The following TRANK1 variants were observed in gnomAD, a reference collection of about 807,000 sequenced individuals.
The protein encoded by TRANK1 is tetratricopeptide repeat and ankyrin repeat containing 1, also known as TPR and ankyrin repeat-containing protein 1.
TRANK1 carries 198 observed loss-of-function variants against 266.0 expected under a neutral mutation model. That is an observed-to-expected ratio of 0.74 (90% CI 0.66 to 0.84). The LOEUF (loss-of-function observed/expected upper bound fraction) is 0.84. Ranked by LOEUF, TRANK1 falls within the 40% of genes least tolerant of loss-of-function variation. TRANK1 has a pLI of 0.00. For missense variants in TRANK1, 3,326 were observed against 3,634.6 expected (o/e 0.92, Z 2.18); for synonymous variants, 1,396 against 1,384.1 (o/e 1.01, Z -0.19).
intron 8 of TRANK1, among the ~76,000 whole-genome samples, chr3:36,875,049 C>A (rs772385673): frequency 3.3e-5 from 5 of 152,018 alleles, no homozygotes; most frequent in African/African-American, 1.2e-4. Context: ...TCCCACCCAT[C>A]GAGAATCTCA....
In TRANK1 at chr3:36,858,591, C is replaced by T. The variant is rs1056053480; in HGVS notation, c.1672+127G>A. On this transcript the variant is annotated intron_variant, in intron 12 of 23. Coordinates refer to ENST00000645898, the MANE Select transcript of TRANK1 (RefSeq NM_001329998.2). ...GAGGGGCCAGGTGACATGGGCAGGC[C>T]TGGCCAAGAAATGGGCCTTTTTCAG... 1.4e-5 allele frequency: 16 copies of T among 1,167,566 alleles called. No individual in the cohort carries two copies. In the African/African-American group the frequency reaches 2.5e-4, roughly 18 times the overall value. The allele number at this position is 1,167,566 out of a possible 1,614,324, so 72.3% of individuals were successfully genotyped here. A position where few individuals can be genotyped will look rare whatever the true frequency, so the allele number is the denominator to read the frequency against.
intron 17 of TRANK1, among the ~76,000 whole-genome samples, chr3:36,845,662 C>G (rs1046751409): frequency 2.6e-5 from 4 of 152,156 alleles, no homozygotes; most frequent in Non-Finnish European, 5.9e-5. Context: ...TCACCCAATA[C>G]ATCTTGAACA....
chr3:36,881,390 A>G (rs940111776), intron 8 of TRANK1, among the ~76,000 whole-genome samples: 6 of 152,102 alleles, frequency 3.9e-5, no homozygotes, highest in Non-Finnish European at 7.4e-5. Context: ...CAGAGCTTGC[A>G]GTGAGCAGAG....
chr3:36,851,827 C>T lies in TRANK1; in HGVS notation c.4779G>A (p.Lys1593=), dbSNP rs758093415. The change falls in exon 15 of 24, where the codon AAG becomes AAA. Residue 1593 remains lysine (K), a synonymous_variant. Coordinates refer to ENST00000645898, the MANE Select transcript of TRANK1 (RefSeq NM_001329998.2). ...ACCCCAGCTCTTCTGGAATTTTCTCCTTTGCCGTTTCATTGGCCACAAGGA... is the reference window on the plus strand; with the variant it reads ...ACCCCAGCTCTTCTGGAATTTTCTCTTTTGCCGTTTCATTGGCCACAAGGA... ...QVILVANETA[K]EKIPEELGLA... 87 of 1,605,456 alleles carry T rather than the reference C, an allele frequency of 5.4e-5. No individual in the cohort carries two copies. Among genetic ancestry groups the T allele is most frequent in the Non-Finnish European group, 7.3e-5 (86 of 1,176,090 alleles).
At chr3:36,841,274 C>T (rs561273699) in intron 18 of TRANK1, among the ~76,000 whole-genome samples, 1 of 152,344 alleles carries the variant, frequency 6.6e-6, no homozygotes, top group African/African-American at 2.4e-5. Context: ...AGATACTTTT[C>T]CTGTAACATT....
At chr3:36,839,476 C>T (rs1393568513) in intron 18 of TRANK1, among the ~76,000 whole-genome samples, 1 of 152,204 alleles carries the variant, frequency 6.6e-6, no homozygotes, top group East Asian at 1.9e-4. Flanking sequence ...AGGATGATCA[C>T]TCTCCCCTTC....
In TRANK1 at chr3:36,944,870, G is replaced by C; in HGVS notation, c.-61C>G. The C allele has an allele frequency of 1.4e-6, 2 of 1,391,388 alleles. No homozygotes were observed. The highest frequency in any genetic ancestry group is 9.3e-7 in the Non-Finnish European group (1 of 1,076,262). The allele number at this position is 1,391,388 out of a possible 1,614,324, so 86.2% of individuals were successfully genotyped here. A position where few individuals can be genotyped will look rare whatever the true frequency, so the allele number is the denominator to read the frequency against. On this transcript the variant is annotated 5_prime_UTR_variant, in exon 1 of 24. Transcript: ENST00000645898. ...CGCCTGGGGAAGCGCTTCCCTGTGG[G>C]CAGGGCGCGGCGGGCAGTGCGGAAG...
At chr3:36,904,681 C>T (rs1469927623) in intron 2 of TRANK1, among the ~76,000 whole-genome samples, 1 of 152,144 alleles carries the variant, frequency 6.6e-6, no homozygotes, top group Non-Finnish European at 1.5e-5. Context: ...TGTCTGGCTT[C>T]TTTCATGGCC....
At chr3:36,902,819 G>A (rs1246476908) in intron 3 of TRANK1, among the ~76,000 whole-genome samples, 1 of 152,214 alleles carries the variant, frequency 6.6e-6, no homozygotes, top group African/African-American at 2.4e-5. Context: ...GTTCCTCTGT[G>A]ATCTCCATTG....
intron 8 of TRANK1, among the ~76,000 whole-genome samples, chr3:36,875,669 C>A (rs1267840319): frequency 6.6e-6 from 1 of 152,224 alleles, no homozygotes; most frequent in Non-Finnish European, 1.5e-5. Context: ...AAACTCCTAA[C>A]CTCCAGGGTA....
At chr3:36,899,403 C>T (rs2079842676) in intron 3 of TRANK1, 144 bp from the exon 4 acceptor site, 2 of 921,508 alleles carry the variant, frequency 2.2e-6, no homozygotes, top group Admixed American at 2.8e-5. Flanking sequence ...GCCTGTAATC[C>T]TAACATTCCG....
Position 36,864,748 on chromosome 3 carries a change from C to T in TRANK1, c.1079-268G>A, listed in dbSNP as rs547362163. On this transcript the variant is annotated intron_variant, in intron 9 of 23. Coordinates refer to ENST00000645898, the MANE Select transcript of TRANK1 (RefSeq NM_001329998.2). ...GGGCCTCAAGAAGCCTTGTATACTT[C>T]TGCTGACTTTCTTGAGGCTGTGGCC... 3.9e-5 allele frequency among the ~76,000 whole-genome samples: 6 copies of T among 152,314 alleles called. No homozygotes were observed. The South Asian group carries it at 1.2e-3, about 32-fold the overall frequency.
intron 1 of TRANK1, among the ~76,000 whole-genome samples, chr3:36,925,112 A>T (rs1448195866): frequency 2.0e-5 from 3 of 152,040 alleles, no homozygotes; most frequent in Admixed American, 2.0e-4. Context: ...GAGGCACACA[A>T]ACTCTCCTGT....
intron 4 of TRANK1, among the ~76,000 whole-genome samples, chr3:36,896,110 A>C (rs184602177): frequency 1.9e-4 from 29 of 152,342 alleles, no homozygotes; most frequent in Non-Finnish European, 3.8e-4. Context: ...TAAGTTACAA[A>C]ACTCACTTCC....
intron 20 of TRANK1, among the ~76,000 whole-genome samples, chr3:36,835,381 T>C (rs1403077352): frequency 6.8e-6 from 1 of 147,286 alleles, no homozygotes; most frequent in Non-Finnish European, 1.5e-5. Context: ...AAACCAATTA[T>C]TTAAGGGGAG....
chr3:36,937,550 G>C (rs1387520401), intron 1 of TRANK1, among the ~76,000 whole-genome samples: 8 of 152,180 alleles, frequency 5.3e-5, no homozygotes, highest in Non-Finnish European at 8.8e-5. Flanking sequence ...AAAGAGTAAA[G>C]ATTATTGGGA....
chr3:36,855,673 A>G lies in TRANK1; in HGVS notation c.4049T>C (p.Ile1350Thr), dbSNP rs771726783. The G allele has an allele frequency of 5.0e-6, 8 of 1,613,688 alleles. No homozygotes were observed. The highest frequency in any genetic ancestry group is 2.2e-5 in the South Asian group (2 of 91,070). ...AAAAGAACCCTTTAGAAAAGATTTT[A>G]TTTCTTTCCAAATCAGTGCAGGGTT... ...AYNPALIWKEIKSFLKGSFEA... is the reference protein window; with the variant it reads ...AYNPALIWKETKSFLKGSFEA... The change falls in exon 13 of 24, where the codon ATA becomes ACA. Residue 1350 changes from isoleucine to threonine, a missense_variant. Transcript: ENST00000645898.
chr3:36,831,461 T>A lies in TRANK1; in HGVS notation c.8122A>T (p.Thr2708Ser). ...ALEDRDHVLA[T>S]ILSQKQRKAS... is the part of the protein sequence containing the mutation. ...TTCCGTTGCTTTTGGGAAAGAATGG[T>A]GGCCAGGACGTGGTCTCGGTCTTCT... Residue 2708 changes from threonine (T) to serine (S), a missense_variant, in exon 22 of 24, where the codon ACC becomes TCC. By Grantham distance (58) the Thr-to-Ser change is moderately conservative. Transcript: ENST00000645898. The surrounding 1 kb of genome is among the most constrained non-coding windows in gnomAD (Gnocchi z 5.0). 1.2e-6 allele frequency: 2 copies of A among 1,613,134 alleles called. No homozygotes were observed. The highest frequency in any genetic ancestry group is 1.7e-6 in the Non-Finnish European group (2 of 1,179,576).
intron 20 of TRANK1, 34 bp from the exon 21 acceptor site, chr3:36,834,941 T>A: frequency 1.3e-6 from 2 of 1,550,644 alleles, no homozygotes; most frequent in Non-Finnish European, 1.7e-6. Flanking sequence ...TTATTTAGAG[T>A]ACTCATGATT....
Sources: allele counts gnomAD v4.1 joint callset (sites outside exome capture counted in the v4.1 genomes callset), GRCh38; gene constraint gnomAD v4.1.1; non-coding constraint Gnocchi (gnomAD v3.1); transcripts MANE v1.5; gene names NCBI Gene and HGNC (gene_info 2026-07-23, HGNC 2026-07-21).